The following RNF220 variants were observed in gnomAD, a reference collection of about 807,000 sequenced individuals.
RNF220 encodes E3 ubiquitin-protein ligase RNF220.
In RNF220, 7 loss-of-function variants were observed where a neutral mutation model predicts 67.1. The observed-to-expected ratio is 0.10, with a 90% confidence interval of 0.06 to 0.20. The LOEUF (loss-of-function observed/expected upper bound fraction) is 0.20, where lower values mean the gene tolerates loss of function less well. RNF220 is among the 10% of genes least tolerant of loss of function. The probability of loss-of-function intolerance (pLI) is 1.00; values close to 1 mark genes in which losing one functional copy is unlikely to be tolerated. For synonymous variants in RNF220, 270 were observed against 283.2 expected, an observed-to-expected ratio of 0.95 and a Z score of 0.47; for missense variants, 565 against 740.3, an observed-to-expected ratio of 0.76 and a Z score of 2.75.
At chr1:44,586,806 G>A (rs1397829970) in intron 2 of RNF220, among the ~76,000 whole-genome samples, 1 of 152,196 alleles carries the variant, frequency 6.6e-6, no homozygotes, top group Admixed American at 6.5e-5. Flanking sequence ...GGCTCTAAGG[G>A]ACAGTAGGCA....
chr1:44,411,406 A>G (rs538995943), intron 1 of RNF220, among the ~76,000 whole-genome samples: 3 of 152,282 alleles, frequency 2.0e-5, no homozygotes, highest in East Asian at 1.9e-4. Context: ...GTGTGTGTGT[A>G]TATGCCAATG....
At chr1:44,551,321 G>A (rs974750003) in intron 2 of RNF220, among the ~76,000 whole-genome samples, 1 of 151,844 alleles carries the variant, frequency 6.6e-6, no homozygotes, top group Non-Finnish European at 1.5e-5. Flanking sequence ...CACCATGTTG[G>A]CCAGGCTGGT....
intron 2 of RNF220, among the ~76,000 whole-genome samples, chr1:44,415,441 G>A (rs1031014591): frequency 1.3e-5 from 2 of 152,028 alleles, no homozygotes; most frequent in African/African-American, 4.8e-5. Flanking sequence ...GTGTTCAGAC[G>A]AGCAGAGTGA....
At chr1:44,442,559 G>A (rs1651676675) in intron 2 of RNF220, among the ~76,000 whole-genome samples, 1 of 145,546 alleles carries the variant, frequency 6.9e-6, no homozygotes, top group East Asian at 2.0e-4. Flanking sequence ...CTGTTGCCGA[G>A]GCTGGAGTGC....
intron 2 of RNF220, among the ~76,000 whole-genome samples, chr1:44,450,862 G>T (rs932769633): frequency 6.6e-6 from 1 of 152,124 alleles, no homozygotes; most frequent in Non-Finnish European, 1.5e-5. Context: ...AGGTGTTTTT[G>T]TGAGGCTGTG....
At chr1:44,463,878 CAG>C (rs1654027116) in intron 2 of RNF220, among the ~76,000 whole-genome samples, 1 of 152,210 alleles carries the variant, frequency 6.6e-6, no homozygotes, top group Admixed American at 6.5e-5. Context: ...GCTCCAGGGA[CAG>C]AGTCTTTCCT....
intron 2 of RNF220, among the ~76,000 whole-genome samples, chr1:44,488,466 G>T (rs1313116996): frequency 3.3e-5 from 5 of 151,902 alleles, no homozygotes; most frequent in Non-Finnish European, 1.5e-5. Context: ...TAGAGACAGG[G>T]TTTCGCCATG....
intron 2 of RNF220, among the ~76,000 whole-genome samples, chr1:44,598,379 G>A (rs1666683883): frequency 6.6e-6 from 1 of 152,200 alleles, no homozygotes; most frequent in Admixed American, 6.5e-5. Context: ...CCTGATTTAG[G>A]GGCTCAGGAC....
intron 3 of RNF220, among the ~76,000 whole-genome samples, chr1:44,619,499 A>G (rs772177305): frequency 3.3e-5 from 5 of 152,216 alleles, no homozygotes; most frequent in Non-Finnish European, 7.3e-5. Context: ...GCGGCTGGTG[A>G]TGATGGTTTA....
intron 2 of RNF220, among the ~76,000 whole-genome samples, chr1:44,479,587 A>G (rs1322250838): frequency 6.6e-6 from 1 of 152,142 alleles, no homozygotes; most frequent in Non-Finnish European, 1.5e-5. Flanking sequence ...GCAAGAGCCT[A>G]TTAGATGCCA....
Position 44,423,926 on chromosome 1 carries a change from G to A in RNF220, c.625+11204G>A, listed in dbSNP as rs746913156. 4.4e-5 allele frequency: 43 copies of A among 985,224 alleles called. 1 individual carries two copies. Among genetic ancestry groups the A allele is most frequent in the East Asian group, 2.3e-4 (2 of 8,822 alleles). The allele number at this position is 985,224 out of a possible 1,614,324, so 61.0% of individuals were successfully genotyped here. ...CCGTTGTTCTAGCCTGGCACACGTCGGCATGCTAAAAACAGTTCCTTCCAG... is the reference window on the plus strand; with the variant it reads ...CCGTTGTTCTAGCCTGGCACACGTCAGCATGCTAAAAACAGTTCCTTCCAG... On this transcript the variant is annotated intron_variant, in intron 2 of 14. Transcript: ENST00000361799.
intron 2 of RNF220, among the ~76,000 whole-genome samples, chr1:44,414,469 T>C (rs997715779): frequency 2.0e-5 from 3 of 152,230 alleles, no homozygotes; most frequent in Non-Finnish European, 2.9e-5. Context: ...TCTATCTTTT[T>C]AGCCCAAACC....
intron 2 of RNF220, among the ~76,000 whole-genome samples, chr1:44,512,115 A>G (rs557567733): frequency 6.6e-6 from 1 of 152,356 alleles, no homozygotes; most frequent in East Asian, 1.9e-4. Flanking sequence ...TGCACAGAAA[A>G]GAAAAATCGA....
chr1:44,550,479 C>A (rs1416363826), intron 2 of RNF220, among the ~76,000 whole-genome samples: 1 of 152,174 alleles, frequency 6.6e-6, no homozygotes, highest in Non-Finnish European at 1.5e-5. Context: ...CAGAGCAAAT[C>A]TCCCCTAGGT....
intron 2 of RNF220, among the ~76,000 whole-genome samples, chr1:44,608,921 C>A (rs1667470901): frequency 6.6e-6 from 1 of 152,200 alleles, no homozygotes; most frequent in Non-Finnish European, 1.5e-5. Flanking sequence ...TAGTGTGTTA[C>A]TGGAGGCACT....
intron 2 of RNF220, among the ~76,000 whole-genome samples, chr1:44,575,233 C>A (rs1301508528): frequency 1.3e-5 from 2 of 152,218 alleles, no homozygotes; most frequent in African/African-American, 4.8e-5. Flanking sequence ...TCCATGAGAT[C>A]AACTTTTTTA....
intron 2 of RNF220, among the ~76,000 whole-genome samples, chr1:44,590,665 G>A (rs1186638864): frequency 6.6e-6 from 1 of 152,236 alleles, no homozygotes; most frequent in Admixed American, 6.5e-5. Context: ...GCCATGGGGA[G>A]TGGATGCCGC....
intron 6 of RNF220, among the ~76,000 whole-genome samples, chr1:44,634,720 A>C (rs756108691): frequency 1.3e-5 from 2 of 152,254 alleles, no homozygotes; most frequent in South Asian, 4.1e-4. Context: ...TGAGCTAATT[A>C]GAAATGATTG....
At chr1:44,407,368 G>C (rs1026525998) in intron 1 of RNF220, among the ~76,000 whole-genome samples, 2 of 152,226 alleles carry the variant, frequency 1.3e-5, no homozygotes, top group African/African-American at 2.4e-5. Flanking sequence ...GCTTTGCCTT[G>C]CCTGGCCTCC....
Sources: allele counts gnomAD v4.1 joint callset (sites outside exome capture counted in the v4.1 genomes callset), GRCh38; gene constraint gnomAD v4.1.1; transcripts MANE v1.5; gene names NCBI Gene and HGNC (gene_info 2026-07-23, HGNC 2026-07-21).